Variants in GOLGA8A observed in about 807,000 individuals in gnomAD.
The protein encoded by GOLGA8A is golgin subfamily A member 8A.
GOLGA8A carries 3 observed loss-of-function variants against 22.1 expected under a neutral mutation model. That is an observed-to-expected ratio of 0.14 (90% CI 0.06 to 0.35). The LOEUF is 0.35. Among genes scored for constraint, GOLGA8A ranks in the 10% least tolerant of loss-of-function variants. The pLI is 1.00. For synonymous variants in GOLGA8A, 7 were observed against 91.7 expected, an observed-to-expected ratio of 0.08 and a Z score of 5.28; for missense variants, 16 against 233.2, an observed-to-expected ratio of 0.07 and a Z score of 6.07.
In GOLGA8A at chr15:34,437,502, T is replaced by C. The variant is rs1216305088; in HGVS notation, c.-1316A>G. 2 of 33,874 alleles carry C rather than the reference T, an allele frequency of 5.9e-5. No homozygotes were observed. The highest frequency in any genetic ancestry group is 1.6e-4 in the African/African-American group (1 of 6,222). 2.1% of individuals were successfully genotyped at this position (33,874 alleles called of 1,614,324 possible). On this transcript the variant is annotated 5_prime_UTR_variant, in exon 1 of 25. Transcript: ENST00000359187. ...CGCCGCCGTCCTCGCCGCGCCGCCGTCCTCGCCGCGCCGCCGTCCTCGCCG... is the reference window on the plus strand; with the variant it reads ...CGCCGCCGTCCTCGCCGCGCCGCCGCCCTCGCCGCGCCGCCGTCCTCGCCG...
At chr15:34,425,399 A>C (rs1397522083) in intron 2 of GOLGA8A, among the ~76,000 whole-genome samples, 1 of 145,442 alleles carries the variant, frequency 6.9e-6, no homozygotes, top group Non-Finnish European at 1.5e-5. Flanking sequence ...AAAAAAAAAA[A>C]AACTACATCC....
chr15:34,432,397 C>T (rs537490992), intron 2 of GOLGA8A, among the ~76,000 whole-genome samples: 2 of 148,928 alleles, frequency 1.3e-5, no homozygotes, highest in East Asian at 2.0e-4. Flanking sequence ...ACACGGACCT[C>T]ACACTCTCTC....
chr15:34,436,781 G>A (rs1359592027), intron 1 of GOLGA8A, among the ~76,000 whole-genome samples: 1 of 149,914 alleles, frequency 6.7e-6, no homozygotes, highest in African/African-American at 2.5e-5. Flanking sequence ...GCGTGGAGAA[G>A]GGGCCCTGCA....
chr15:34,418,129 T>TAAAAAA (rs1892648648), intron 2 of GOLGA8A: 1 of 21,322 alleles, frequency 4.7e-5, no homozygotes, highest in African/African-American at 7.2e-5. Context: ...TGTAGATTCT[T>TAAAAAA]TAAAAAAAAA....
At chr15:34,431,909 C>T (rs1893272314) in intron 2 of GOLGA8A, among the ~76,000 whole-genome samples, 1 of 148,976 alleles carries the variant, frequency 6.7e-6, no homozygotes, top group Admixed American at 6.8e-5. Context: ...GTCATATATG[C>T]TATCATTCAC....
In GOLGA8A at chr15:34,380,476, A is replaced by C. The variant is rs1891428332; in HGVS notation, c.*935T>G. The stretch of plus-strand genomic sequence containing the variant: ...TGGGACAGGTAGTCATGTGATTAAA[A>C]CAGGGAACACGAACTCTGACTTTAA... On this transcript the variant is annotated 3_prime_UTR_variant, in exon 25 of 25. Transcript: ENST00000359187. 1 of 152,244 alleles carries C rather than the reference A, an allele frequency of 6.6e-6. No individual in the cohort carries two copies. Among genetic ancestry groups the C allele is most frequent in the Non-Finnish European group, 1.5e-5 (1 of 68,046 alleles). The allele number at this position is 152,244 out of a possible 1,614,324, so 9.4% of individuals were successfully genotyped here.
At chr15:34,387,133 GC>G in intron 11 of GOLGA8A, 1 of 628,578 alleles carries the variant, frequency 1.6e-6, no homozygotes. Context: ...CACCCTGGGG[GC>G]CTTGCAGTGA....
At chr15:34,434,224 G>A (rs556995740) in intron 2 of GOLGA8A, among the ~76,000 whole-genome samples, 6 of 149,392 alleles carry the variant, frequency 4.0e-5, no homozygotes, top group South Asian at 2.1e-4. Context: ...AAATCAGGCC[G>A]AGACACATGG....
At chr15:34,425,457 T>C (rs1260010193) in intron 2 of GOLGA8A, among the ~76,000 whole-genome samples, 2 of 145,328 alleles carry the variant, frequency 1.4e-5, no homozygotes, top group Non-Finnish European at 3.0e-5. Context: ...AGAAGAGATG[T>C]AAATGTAAAA....
At chr15:34,434,504 G>A (rs1893404374) in intron 2 of GOLGA8A, among the ~76,000 whole-genome samples, 1 of 149,106 alleles carries the variant, frequency 6.7e-6, no homozygotes, top group Non-Finnish European at 1.5e-5. Context: ...CTTCAGGAGA[G>A]GCGAGAAACG....
Position 34,425,041 on chromosome 15 carries a change from C to T in GOLGA8A, c.-1123+10342G>A, listed in dbSNP as rs1013056834. Reference sequence around the variant, plus strand: ...AGTCAAGGCTGCAATGAGCCGTGTTCGCACCGCTGCAATCCAGCCTGGGTG... The same window carrying T: ...AGTCAAGGCTGCAATGAGCCGTGTTTGCACCGCTGCAATCCAGCCTGGGTG... On this transcript the variant is annotated intron_variant, in intron 2 of 24. Coordinates refer to ENST00000359187, the MANE Select transcript of GOLGA8A (RefSeq NM_181077.5). 6.9e-4 allele frequency among the ~76,000 whole-genome samples: 101 copies of T among 146,638 alleles called. 9 individuals carry two copies. The highest frequency in any genetic ancestry group is 5.9e-3 in the South Asian group (26 of 4,380).
chr15:34,435,356 G>A lies in GOLGA8A; in HGVS notation c.-1123+27C>T, dbSNP rs375679770. 1.2e-4 allele frequency: 18 copies of A among 149,484 alleles called. 3 individuals are homozygous for A. Among genetic ancestry groups the A allele is most frequent in the African/African-American group, 3.5e-4 (14 of 40,572 alleles). The allele number at this position is 149,484 out of a possible 1,614,324, so 9.3% of individuals were successfully genotyped here. A position where few individuals can be genotyped will look rare whatever the true frequency, so the allele number is the denominator to read the frequency against. On this transcript the variant is annotated intron_variant, in intron 2 of 24. Coordinates refer to ENST00000359187, the MANE Select transcript of GOLGA8A (RefSeq NM_181077.5). Reference sequence around the variant, plus strand: ...CTTATCCCATCTCTAAGCTTCCAGGGGTGTGATCAGTGTCTTTTACAATTA... The same window carrying A: ...CTTATCCCATCTCTAAGCTTCCAGGAGTGTGATCAGTGTCTTTTACAATTA...
At chr15:34,422,717 G>GCTCTCTCTCGCTCTCGCTCT (rs1892833183) in intron 2 of GOLGA8A, among the ~76,000 whole-genome samples, 1 of 90,254 alleles carries the variant, frequency 1.1e-5, no homozygotes, top group African/African-American at 3.0e-5. Context: ...GCGCTTGTGC[G>GCTCTCTCTCGCTCTCGCTCT]CTCTCTCTCG....
chr15:34,421,092 T>C (rs11639088), intron 2 of GOLGA8A, among the ~76,000 whole-genome samples: 16,226 of 136,910 alleles, frequency 0.12, 1,275 homozygotes, highest in Non-Finnish European at 0.14. Context: ...CTGCCCTCCA[T>C]ACAAAACCAC....
intron 2 of GOLGA8A, among the ~76,000 whole-genome samples, chr15:34,430,658 G>C (rs1482791947): frequency 6.7e-5 from 10 of 149,526 alleles, no homozygotes; most frequent in African/African-American, 2.0e-4. Flanking sequence ...AGGCAGGTTG[G>C]TAAAACACTC....
chr15:34,432,276 T>C (rs1224424336), intron 2 of GOLGA8A, among the ~76,000 whole-genome samples: 2 of 148,906 alleles, frequency 1.3e-5, no homozygotes, highest in South Asian at 2.2e-4. Context: ...TCGGCTTGTG[T>C]TGAAAATTAG....
chr15:34,386,107 C>T lies in GOLGA8A; in HGVS notation c.286-329G>A, dbSNP rs1351130430. On this transcript the variant is annotated intron_variant, in intron 12 of 24. Transcript: ENST00000359187. The stretch of plus-strand genomic sequence containing the variant: ...TCATTCAATAGACATTTACTGAGCA[C>T]GTACGGGCCAGGGATGGTTCTTCAC... 2.6e-4 allele frequency among the ~76,000 whole-genome samples: 38 copies of T among 147,644 alleles called. No individual in the cohort carries two copies. The South Asian group carries it at 7.1e-3, about 28-fold the overall frequency.
chr15:34,437,431 C>CCG lies in GOLGA8A; in HGVS notation c.-1247_-1246dup, dbSNP rs1893588716. 2 of 139,748 alleles carry CCG rather than the reference C, an allele frequency of 1.4e-5. No individual in the cohort carries two copies. Among genetic ancestry groups the CCG allele is most frequent in the Admixed American group, 7.1e-5 (1 of 13,992 alleles). The allele number at this position is 139,748 out of a possible 1,614,324, so 8.7% of individuals were successfully genotyped here. A position where few individuals can be genotyped will look rare whatever the true frequency, so the allele number is the denominator to read the frequency against. ...GGCGCGGGGCTGCCCCGGTCCGCCG[C>CCG]CGTCCTCGCCGCGCCGCCGTCCTCG... On this transcript the variant is annotated 5_prime_UTR_variant, in exon 1 of 25. Transcript: ENST00000359187.
intron 2 of GOLGA8A, among the ~76,000 whole-genome samples, chr15:34,431,343 A>ATATCTATCTATC (rs1231384010): frequency 2.9e-4 from 35 of 119,274 alleles, no homozygotes; most frequent in Non-Finnish European, 3.9e-4. Context: ...ATATATATAT[A>ATATCTATCTATC]TATCTCACAC....
Sources: gnomAD v4.1 joint callset for allele counts (sites outside exome capture counted in the v4.1 genomes callset) on GRCh38, gnomAD v4.1.1 for gene constraint, MANE v1.5 for transcripts, NCBI Gene and HGNC (gene_info 2026-07-23, HGNC 2026-07-21) for gene names.